Variants in CPNE8 observed in about 807,000 individuals in gnomAD.
CPNE8 encodes copine-8.
In CPNE8, 45 loss-of-function variants were observed where a neutral mutation model predicts 81.5. The ratio of observed to expected loss-of-function variants is 0.55; its 90% confidence interval spans 0.44 to 0.71. The LOEUF is 0.71. Ranked by LOEUF, CPNE8 falls within the 30% of genes least tolerant of loss-of-function variation. The pLI is 0.00. For synonymous variants in CPNE8, 252 were observed against 226.3 expected (o/e 1.11, Z -1.02); for missense variants, 594 against 672.1 (o/e 0.88, Z 1.28).
intron 7 of CPNE8, among the ~76,000 whole-genome samples, chr12:38,772,308 T>C (rs376978413): frequency 6.6e-6 from 1 of 152,152 alleles, no homozygotes; most frequent in East Asian, 1.9e-4. Flanking sequence ...TATTCTTTTA[T>C]TGCAACACAA....
At chr12:38,799,254 C>G (rs952699099) in intron 6 of CPNE8, among the ~76,000 whole-genome samples, 1 of 152,152 alleles carries the variant, frequency 6.6e-6, no homozygotes, top group Admixed American at 6.5e-5. Context: ...ACATTTTTTT[C>G]AGCACACCAC....
At chr12:38,749,126 C>T (rs1592059159) in intron 10 of CPNE8, among the ~76,000 whole-genome samples, 2 of 151,954 alleles carry the variant, frequency 1.3e-5, no homozygotes, top group South Asian at 4.2e-4. Flanking sequence ...TCATGTTGTT[C>T]TTGTGATAGT....
chr12:38,902,417 A>AAGAAAG lies in CPNE8; in HGVS notation c.98+3019_98+3020insCTTTCT, dbSNP rs1166996215. Among the ~76,000 whole-genome samples, 11 of 72,912 alleles carry AAGAAAG rather than the reference A, an allele frequency of 1.5e-4. No individual in the cohort carries two copies. The East Asian group carries it at 4.2e-3, about 28-fold the overall frequency. The allele number at this position is 72,912 out of a possible 152,430, so 47.8% of individuals were successfully genotyped here. ...AGAGAAAGAAAGAAAGAAAGAAAGA[A>AAGAAAG]AAAGAAAGAAAGAAAGAAAGGAGAG... is the stretch of plus-strand genomic sequence containing the variant. On this transcript the variant is annotated intron_variant, in intron 1 of 19. Transcript: ENST00000331366.
chr12:38,825,665 A>G (rs1308237776), intron 6 of CPNE8, among the ~76,000 whole-genome samples: 1 of 152,250 alleles, frequency 6.6e-6, no homozygotes, highest in Non-Finnish European at 1.5e-5. Flanking sequence ...CTTAGCCAAC[A>G]GACCTTGTTC....
At chr12:38,890,338 A>G (rs993246798) in intron 1 of CPNE8, among the ~76,000 whole-genome samples, 3 of 152,190 alleles carry the variant, frequency 2.0e-5, no homozygotes, top group Admixed American at 6.5e-5. Flanking sequence ...CCATCCAAGG[A>G]AACTTTATAG....
chr12:38,882,754 T>G (rs1480826091), intron 1 of CPNE8, among the ~76,000 whole-genome samples: 1 of 152,198 alleles, frequency 6.6e-6, no homozygotes, highest in African/African-American at 2.4e-5. Flanking sequence ...TTCTGACCCC[T>G]GGCTATGTCT....
At chr12:38,670,963 C>T (rs372211008) in intron 18 of CPNE8, 161 bp from the exon 19 acceptor site, 1 of 536,400 alleles carries the variant, frequency 1.9e-6, no homozygotes, top group African/African-American at 2.0e-5. Context: ...TCATACAAAA[C>T]TTGATTAAGT....
intron 10 of CPNE8, among the ~76,000 whole-genome samples, chr12:38,750,517 C>T (rs1941334841): frequency 6.6e-6 from 1 of 152,172 alleles, no homozygotes; most frequent in Non-Finnish European, 1.5e-5. Flanking sequence ...TGGGAACCCA[C>T]CTCTTATATT....
intron 6 of CPNE8, among the ~76,000 whole-genome samples, chr12:38,795,308 T>A (rs78207742): frequency 0.035 from 5,291 of 152,292 alleles, 332 homozygotes; most frequent in African/African-American, 0.12. Context: ...CACTGATTAA[T>A]ACAATGGACT....
At chr12:38,870,793 A>AAAAT (rs540658962) in intron 3 of CPNE8, among the ~76,000 whole-genome samples, 124 of 151,668 alleles carry the variant, frequency 8.2e-4, no homozygotes, top group African/African-American at 2.5e-3. Context: ...AAGTATAATA[A>AAAAT]AAATAAATAA....
chr12:38,803,543 C>A (rs906990905), intron 6 of CPNE8, among the ~76,000 whole-genome samples: 2 of 137,938 alleles, frequency 1.4e-5, no homozygotes, highest in African/African-American at 5.2e-5. Flanking sequence ...AAACCCACAG[C>A]CAATATCATA....
chr12:38,699,803 G>A (rs568775313), intron 14 of CPNE8, among the ~76,000 whole-genome samples: 10 of 151,916 alleles, frequency 6.6e-5, no homozygotes, highest in Non-Finnish European at 7.4e-5. Context: ...AAATTTATTC[G>A]TAAGTATAAT....
chr12:38,715,536 A>G (rs1484493441), intron 13 of CPNE8, among the ~76,000 whole-genome samples: 1 of 152,098 alleles, frequency 6.6e-6, no homozygotes. Flanking sequence ...CAGAATTTAG[A>G]AAAACATACG....
At chr12:38,831,930 T>C (rs552275484) in intron 5 of CPNE8, among the ~76,000 whole-genome samples, 14 of 152,198 alleles carry the variant, frequency 9.2e-5, no homozygotes, top group Non-Finnish European at 2.1e-4. Context: ...CGAGTCTCAG[T>C]AAAAGCCATC....
At chr12:38,868,318 A>T (rs887029647) in intron 3 of CPNE8, among the ~76,000 whole-genome samples, 3 of 152,154 alleles carry the variant, frequency 2.0e-5, no homozygotes, top group Non-Finnish European at 2.9e-5. Context: ...CAAATTGATA[A>T]ATAAAGGATA....
chr12:38,799,923 C>T (rs1382727055), intron 6 of CPNE8, among the ~76,000 whole-genome samples: 2 of 151,586 alleles, frequency 1.3e-5, no homozygotes, highest in African/African-American at 4.8e-5. Flanking sequence ...CGGGTCACTC[C>T]CACCCGAATA....
chr12:38,796,479 T>A (rs936911040), intron 6 of CPNE8, among the ~76,000 whole-genome samples: 1 of 152,118 alleles, frequency 6.6e-6, no homozygotes, highest in South Asian at 2.1e-4. Context: ...ATATAAAAAA[T>A]AGAAGAAAAA....
At chr12:38,728,197 T>C (rs1320090162) in intron 11 of CPNE8, among the ~76,000 whole-genome samples, 1 of 152,168 alleles carries the variant, frequency 6.6e-6, no homozygotes, top group Non-Finnish European at 1.5e-5. Context: ...CAGGAAAGTA[T>C]AGCCCACACT....
intron 6 of CPNE8, among the ~76,000 whole-genome samples, chr12:38,803,586 G>A (rs1300058806): frequency 1.4e-5 from 2 of 139,624 alleles, no homozygotes; most frequent in African/African-American, 5.1e-5. Context: ...CATTCCCTTT[G>A]AAAACTGGCA....
Sources: allele counts gnomAD v4.1 joint callset (sites outside exome capture counted in the v4.1 genomes callset), GRCh38; gene constraint gnomAD v4.1.1; transcripts MANE v1.5; gene names NCBI Gene and HGNC (gene_info 2026-07-23, HGNC 2026-07-21).